Variants in DRC11L observed in about 807,000 individuals in gnomAD.
DRC11L encodes dynein regulatory complex subunit like-11.
At chr7:151,204,005 C>T in the DRC11L span, among the ~76,000 whole-genome samples, 1 of 152,192 alleles carries the variant, frequency 6.6e-6, no homozygotes, top group African/African-American at 2.4e-5. Context: ...AGAACTTGCC[C>T]GTGCACACAG....
At chr7:151,204,727 A>C in the DRC11L span, 1 of 399,020 alleles carries the variant, frequency 2.5e-6, no homozygotes, top group Admixed American at 4.4e-5. Context: ...GCGAGCCTGT[A>C]CTGGAAGGAC....
the DRC11L span, among the ~76,000 whole-genome samples, chr7:151,201,388 T>C: frequency 6.6e-6 from 1 of 152,242 alleles, no homozygotes; most frequent in Non-Finnish European, 1.5e-5. The surrounding 1 kb of genome is among the most constrained non-coding windows in gnomAD (Gnocchi z 4.1). Context: ...TGATCTGCTT[T>C]GGTCTACAGG....
At chr7:151,194,117 G>T in the DRC11L span, 1 of 384,962 alleles carries the variant, frequency 2.6e-6, no homozygotes, top group Non-Finnish European at 4.6e-6. Context: ...CTCCAGCAGG[G>T]CCTGGGCAGG....
the DRC11L span, chr7:151,194,256 C>A: frequency 2.5e-6 from 1 of 399,146 alleles, no homozygotes. Flanking sequence ...AGCCTCTCAC[C>A]AAGCCGAAGG....
chr7:151,200,176 C>G, the DRC11L span, among the ~76,000 whole-genome samples: 1 of 152,168 alleles, frequency 6.6e-6, no homozygotes, highest in South Asian at 2.1e-4. Context: ...TGCCAGGGGC[C>G]GGATTTCTAC....
chr7:151,195,611 C>T, the DRC11L span: 1 of 399,782 alleles, frequency 2.5e-6, no homozygotes, highest in Non-Finnish European at 4.4e-6. Context: ...CCTCCTTGTC[C>T]ACAGCCAGAC....
chr7:151,195,546 C>T, the DRC11L span: 2 of 400,034 alleles, frequency 5.0e-6, no homozygotes, highest in Non-Finnish European at 8.8e-6. Flanking sequence ...GTGTGCCCTC[C>T]CCTGCCCAGC....
the DRC11L span, chr7:151,203,159 C>T: frequency 0.024 from 9,700 of 398,778 alleles, 293 homozygotes; most frequent in African/African-American, 0.095. Flanking sequence ...CAGGGTGGGC[C>T]GCTGGGAGAC....
At chr7:151,202,524 T>C in the DRC11L span, among the ~76,000 whole-genome samples, 1 of 152,226 alleles carries the variant, frequency 6.6e-6, no homozygotes, top group Non-Finnish European at 1.5e-5. Context: ...AGATACATGC[T>C]TGCTGACTGA....
the DRC11L span, among the ~76,000 whole-genome samples, chr7:151,204,354 G>A: frequency 6.6e-6 from 1 of 152,136 alleles, no homozygotes; most frequent in South Asian, 2.1e-4. Context: ...TGGGGTGGCG[G>A]GTAGGCAGGG....
the DRC11L span, among the ~76,000 whole-genome samples, chr7:151,199,430 G>C: frequency 1.3e-5 from 2 of 152,314 alleles, no homozygotes; most frequent in East Asian, 3.9e-4. The surrounding 1 kb of genome is among the most constrained non-coding windows in gnomAD (Gnocchi z 5.2). Context: ...AAAACGCTGA[G>C]CTCACACTGT....
the DRC11L span, chr7:151,193,589 G>A: frequency 2.5e-6 from 1 of 398,716 alleles, no homozygotes; most frequent in Non-Finnish European, 4.4e-6. Flanking sequence ...CCTAGGGCTG[G>A]GGGAGGAGGT....
the DRC11L span, chr7:151,204,386 C>T: frequency 5.1e-6 from 2 of 392,696 alleles, 1 homozygote; most frequent in Non-Finnish European, 9.0e-6. Flanking sequence ...CATCCCTACC[C>T]CACCCGACCC....
the DRC11L span, chr7:151,194,537 C>T: frequency 2.5e-6 from 1 of 399,258 alleles, no homozygotes; most frequent in Non-Finnish European, 4.4e-6. Context: ...TTCAATGCTA[C>T]TGACTCACTC....
chr7:151,198,779 G>A, the DRC11L span: 39 of 398,966 alleles, frequency 9.8e-5, no homozygotes, highest in Non-Finnish European at 1.5e-4. Context: ...GGAGGGTAGG[G>A]TCAGCTGAGG....
the DRC11L span, chr7:151,193,421 C>T: frequency 2.5e-6 from 1 of 399,334 alleles, no homozygotes; most frequent in Non-Finnish European, 4.4e-6. Flanking sequence ...CATCTTCTTC[C>T]CCATGCCAGA....
At chr7:151,199,404 G>A in the DRC11L span, among the ~76,000 whole-genome samples, 4 of 152,116 alleles carry the variant, frequency 2.6e-5, no homozygotes, top group East Asian at 5.8e-4. This position sits in a 1 kb window ranked among gnomAD's most constrained non-coding sequence, Gnocchi z 5.2. Flanking sequence ...ATCACTCTGC[G>A]CAGAGACAAT....
the DRC11L span, among the ~76,000 whole-genome samples, chr7:151,201,493 T>A: frequency 4.8e-3 from 728 of 152,330 alleles, 5 homozygotes; most frequent in African/African-American, 0.017. This position sits in a 1 kb window ranked among gnomAD's most constrained non-coding sequence, Gnocchi z 4.1. Flanking sequence ...AGCCAGACAT[T>A]GACACAGTCA....
At chr7:151,196,442 T>C in the DRC11L span, 1 of 399,218 alleles carries the variant, frequency 2.5e-6, no homozygotes, top group Non-Finnish European at 4.4e-6. Flanking sequence ...GACCCTGTGC[T>C]CACACCTGTA....
Sources: allele counts gnomAD v4.1 joint callset (sites outside exome capture counted in the v4.1 genomes callset), GRCh38; gene constraint gnomAD v4.1.1; non-coding constraint Gnocchi (gnomAD v3.1); transcripts MANE v1.5; gene names NCBI Gene and HGNC (gene_info 2026-07-23, HGNC 2026-07-21).